The following ZNF808 variants were observed in gnomAD, a reference collection of about 807,000 sequenced individuals.
ZNF808 encodes zinc finger protein 808.
ZNF808 carries 5 observed loss-of-function variants against 8.7 expected under a neutral mutation model. That is an observed-to-expected ratio of 0.58 (90% CI 0.30 to 1.21). The LOEUF (loss-of-function observed/expected upper bound fraction) is 1.21. ZNF808 is among the 50% of genes most tolerant of loss of function. The pLI is 0.07. For synonymous variants in ZNF808, 380 were observed against 366.0 expected (o/e 1.04, Z -0.44); for missense variants, 1,103 against 1,098.4 (o/e 1.00, Z -0.06).
Position 52,555,178 on chromosome 19 carries a change from T to C in ZNF808, c.2262T>C (p.Arg754=). ...FSQKATLLCH[R]RLHSGEKPYK... ...AGAAGGCAACCCTTCTATGCCATCGTAGACTTCATAGTGGTGAGAAACCTT... is the reference window on the plus strand; with the variant it reads ...AGAAGGCAACCCTTCTATGCCATCGCAGACTTCATAGTGGTGAGAAACCTT... The change falls in exon 5 of 5, where the codon CGT becomes CGC. Residue 754 remains arginine, a synonymous_variant. Transcript: ENST00000359798. 1.2e-6 allele frequency: 2 copies of C among 1,613,724 alleles called. No homozygotes were observed. Among genetic ancestry groups the C allele is most frequent in the Non-Finnish European group, 1.7e-6 (2 of 1,179,634 alleles).
downstream of ZNF808, among the ~76,000 whole-genome samples, chr19:52,564,677 G>A (rs1423483597): frequency 6.6e-6 from 1 of 152,100 alleles, no homozygotes; most frequent in Non-Finnish European, 1.5e-5. Context: ...TCAGCAGCTG[G>A]GAGTGATGGC....
intron 2 of ZNF808, among the ~76,000 whole-genome samples, chr19:52,538,358 T>C (rs2059633961): frequency 6.7e-6 from 1 of 149,252 alleles, no homozygotes; most frequent in African/African-American, 2.5e-5. Context: ...TATTAGTTTT[T>C]TGAGGTGGAG....
chr19:52,527,753 G>T (rs1159731366), intron 1 of ZNF808, 42 bp downstream of exon 1: 1 of 152,766 alleles, frequency 6.5e-6, no homozygotes, highest in Admixed American at 6.5e-5. Context: ...CGCTTCCCAG[G>T]TCCCCGCCGC....
intron 2 of ZNF808, among the ~76,000 whole-genome samples, chr19:52,535,815 C>T (rs1407962492): frequency 6.6e-6 from 1 of 152,226 alleles, no homozygotes; most frequent in Non-Finnish European, 1.5e-5. Context: ...CCGCTCTCAC[C>T]TCCAAACACC....
rs117951171 is a variant in ZNF808, at chr19:52,537,514, A to G, written c.-20+4505A>G. On this transcript the variant is annotated intron_variant, in intron 2 of 4. Coordinates refer to ENST00000359798, the MANE Select transcript of ZNF808 (RefSeq NM_001039886.4). ...CCAGCCTAGGCAAAATAGACACCCCATCTCTTTCAAAAAGAAAGAAAAAAT... is the reference window on the plus strand; with the variant it reads ...CCAGCCTAGGCAAAATAGACACCCCGTCTCTTTCAAAAAGAAAGAAAAAAT... 4.5e-3 allele frequency among the ~76,000 whole-genome samples: 680 copies of G among 152,180 alleles called. 48 individuals carry two copies. The East Asian group carries it at 0.11, about 25-fold the overall frequency.
exon 4 of ZNF808, chr19:52,564,347 A>AT (rs922126161): frequency 7.4e-6 from 4 of 543,632 alleles, no homozygotes; most frequent in Admixed American, 3.0e-5. Flanking sequence ...TTGGGAATAT[A>AT]TTTTTTTCTC....
At chr19:52,559,064 T>C (rs965985384), downstream of ZNF808, among the ~76,000 whole-genome samples, 10 of 152,314 alleles carry the variant, frequency 6.6e-5, no homozygotes, top group African/African-American at 2.4e-4. Context: ...GCCTGAGATA[T>C]GGCCTCATGG....
Position 52,555,756 on chromosome 19 carries a change from C to T in ZNF808, c.*128C>T. On this transcript the variant is annotated 3_prime_UTR_variant, in exon 5 of 5. Coordinates refer to ENST00000359798, the MANE Select transcript of ZNF808 (RefSeq NM_001039886.4). ...TTTTTCAGACATTGTTCATACATTG[C>T]AGTTCATTGGCAACCTCATACTGGA... 7.3e-7 allele frequency: 1 copy of T among 1,372,298 alleles called. No individual in the cohort carries two copies. 85.0% of individuals were successfully genotyped at this position (1,372,298 alleles called of 1,614,324 possible). A position where few individuals can be genotyped will look rare whatever the true frequency, so the allele number is the denominator to read the frequency against.
exon 4 of ZNF808, chr19:52,563,937 G>A (rs915465089): frequency 1.8e-5 from 5 of 284,914 alleles, no homozygotes; most frequent in South Asian, 1.7e-4. Context: ...CGGAAGTTTC[G>A]ATGAGCCGGG....
chr19:52,567,498 ATTATTATTATTATTATT>A (rs2059875892), downstream of ZNF808, among the ~76,000 whole-genome samples: 1 of 113,318 alleles, frequency 8.8e-6, no homozygotes, highest in African/African-American at 4.7e-5. Flanking sequence ...TATTATTATT[ATTATTATTATTATTATT>A]ATTATTATTA....
At position 52,555,921 on chromosome 19, in the gene ZNF808, G is replaced by A. The variant is rs571585780; in HGVS notation, c.*293G>A. On this transcript the variant is annotated 3_prime_UTR_variant, in exon 5 of 5. Transcript: ENST00000359798. ...AGCCTTTACTTCACATTCACACCTC[G>A]TTGGACATCAGAGAATCCATACTGG... The A allele has an allele frequency of 1.7e-4, 117 of 672,088 alleles. 1 individual carries two copies. The highest frequency in any genetic ancestry group is 1.6e-3 in the African/African-American group (91 of 56,618). The allele number at this position is 672,088 out of a possible 1,614,324, so 41.6% of individuals were successfully genotyped here.
downstream of ZNF808, among the ~76,000 whole-genome samples, chr19:52,566,439 T>C (rs150497043): frequency 1.3e-3 from 197 of 152,264 alleles, 1 homozygote; most frequent in African/African-American, 4.5e-3. Flanking sequence ...GTGCTGAGAT[T>C]ACAGGTATGC....
At chr19:52,545,198 G>C (rs1157761539) in intron 3 of ZNF808, among the ~76,000 whole-genome samples, 3 of 151,934 alleles carry the variant, frequency 2.0e-5, no homozygotes, top group African/African-American at 7.3e-5. Flanking sequence ...GTTTTGAGTT[G>C]AGTCTCTGTT....
chr19:52,533,738 C>G (rs1238080111), intron 2 of ZNF808, among the ~76,000 whole-genome samples: 1 of 150,232 alleles, frequency 6.7e-6, no homozygotes, highest in Non-Finnish European at 1.5e-5. Flanking sequence ...TGCCTGTAGT[C>G]CCAGCTACTC....
chr19:52,550,709 T>A lies in ZNF808; in HGVS notation c.191-2398T>A, dbSNP rs2059768496. On this transcript the variant is annotated intron_variant, in intron 4 of 4. Transcript: ENST00000359798. ...CTAATTTTTGTATTTTTAGGAGAGA[T>A]GGGGTTTCTCCATATTGGTCAGGCT... Among the ~76,000 whole-genome samples, 3 of 152,234 alleles carry A rather than the reference T, an allele frequency of 2.0e-5. No individual in the cohort carries two copies. In the South Asian group the frequency reaches 6.2e-4, roughly 32 times the overall value.
intron 4 of ZNF808, among the ~76,000 whole-genome samples, chr19:52,548,908 A>G (rs2059748763): frequency 6.6e-6 from 1 of 152,036 alleles, no homozygotes; most frequent in Non-Finnish European, 1.5e-5. Flanking sequence ...ACCTGAGGTC[A>G]GGAGTTCGAG....
intron 3 of ZNF808, among the ~76,000 whole-genome samples, chr19:52,546,642 CTTTTT>C (rs67940309): frequency 2.0e-5 from 2 of 98,800 alleles, no homozygotes. Context: ...CCTGTGTTTG[CTTTTT>C]TTTTTTTTTT....
chr19:52,538,665 G>A (rs1238820214), intron 2 of ZNF808, among the ~76,000 whole-genome samples: 1 of 148,600 alleles, frequency 6.7e-6, no homozygotes, highest in Non-Finnish European at 1.5e-5. Flanking sequence ...AACAGGAGAG[G>A]GGCATAAAAT....
intron 3 of ZNF808, among the ~76,000 whole-genome samples, chr19:52,544,878 G>C (rs1405825438): frequency 2.6e-5 from 4 of 152,248 alleles, no homozygotes; most frequent in Admixed American, 1.3e-4. Context: ...CTGCCTTCTG[G>C]CTTCAAGCAA....
Sources: gnomAD v4.1 joint callset for allele counts (sites outside exome capture counted in the v4.1 genomes callset) on GRCh38, gnomAD v4.1.1 for gene constraint, MANE v1.5 for transcripts, NCBI Gene and HGNC (gene_info 2026-07-23, HGNC 2026-07-21) for gene names.